Variants in TUBGCP4 observed in about 807,000 individuals in gnomAD.
TUBGCP4 encodes the protein gamma-tubulin complex component 4.
A neutral mutation model predicts 91.6 loss-of-function variants in TUBGCP4; 54 were observed. That is an observed-to-expected ratio of 0.59 (90% CI 0.47 to 0.74). The LOEUF is 0.74. Ranked by LOEUF, TUBGCP4 falls within the 30% of genes least tolerant of loss-of-function variation. TUBGCP4 has a pLI of 0.00. For missense variants in TUBGCP4, 593 were observed against 800.9 expected, an observed-to-expected ratio of 0.74 and a Z score of 3.13; for synonymous variants, 297 against 302.8, an observed-to-expected ratio of 0.98 and a Z score of 0.20.
At position 43,376,516 on chromosome 15, in the gene TUBGCP4, C is replaced by G; in HGVS notation, c.221C>G (p.Ser74Cys). 1 of 1,614,244 alleles carries G rather than the reference C, an allele frequency of 6.2e-7. No individual in the cohort carries two copies. The highest frequency in any genetic ancestry group is 8.5e-7 in the Non-Finnish European group (1 of 1,180,044). The change falls in exon 3 of 18, where the codon TCT becomes TGT. Residue 74 changes from serine to cysteine, a missense_variant. Physicochemically the swap from Ser to Cys is moderately radical, Grantham distance 112. Coordinates refer to ENST00000564079, the MANE Select transcript of TUBGCP4 (RefSeq NM_014444.5). ...GTTTGATTTCAGGATCACCATCCAT[C>G]TCAACAGGGCCAAGGTGGGTTACAT... is the stretch of plus-strand genomic sequence containing the variant. ...GHVQQQDHHP[S>C]QQGQGGLHGI...
At chr15:43,385,061 G>A (rs2044334347) in intron 7 of TUBGCP4, among the ~76,000 whole-genome samples, 1 of 152,176 alleles carries the variant, frequency 6.6e-6, no homozygotes, top group Non-Finnish European at 1.5e-5. Flanking sequence ...AGTGACGATA[G>A]GGGTGTATAC....
At chr15:43,394,812 T>G in intron 9 of TUBGCP4, 1 of 414,556 alleles carries the variant, frequency 2.4e-6, no homozygotes. Context: ...CCTTCTGCCA[T>G]GATTGTAAGT....
chr15:43,385,887 G>GA lies in TUBGCP4; in HGVS notation c.826dup (p.Ile276AsnfsTer12). 1 of 1,614,026 alleles carries GA rather than the reference G, an allele frequency of 6.2e-7. No homozygotes were observed. The highest frequency in any genetic ancestry group is 1.3e-5 in the African/African-American group (1 of 74,988). On this transcript the variant is annotated frameshift_variant, in exon 8 of 18. Coordinates refer to ENST00000564079, the MANE Select transcript of TUBGCP4 (RefSeq NM_014444.5). LOFTEE classifies it high-confidence loss of function. Reference sequence around the variant, plus strand: ...ATCCTACATTCCAGTGAGGGTTGCTGAAAAAATCCTATTTGTTGGAGAATC... The same window carrying GA: ...ATCCTACATTCCAGTGAGGGTTGCTGAAAAAAATCCTATTTGTTGGAGAATC...
intron 1 of TUBGCP4, among the ~76,000 whole-genome samples, chr15:43,373,774 G>A (rs6493087): frequency 0.27 from 40,606 of 151,340 alleles, 8,768 homozygotes; most frequent in African/African-American, 0.59. Context: ...TCAGCCTCCC[G>A]AGCAGCTGGG....
intron 16 of TUBGCP4, 79 bp from the exon 17 acceptor site, chr15:43,404,334 C>T: frequency 6.4e-7 from 1 of 1,550,670 alleles, no homozygotes. Flanking sequence ...TTCCAAGAAA[C>T]TCCTCCCTCC....
chr15:43,382,283 A>G (rs539780353), intron 6 of TUBGCP4, among the ~76,000 whole-genome samples: 2 of 152,312 alleles, frequency 1.3e-5, no homozygotes, highest in South Asian at 4.1e-4. Flanking sequence ...TCAATTCCAT[A>G]TTACACCCAA....
intron 6 of TUBGCP4, among the ~76,000 whole-genome samples, chr15:43,380,959 CT>C (rs921808224): frequency 6.6e-6 from 1 of 151,938 alleles, no homozygotes; most frequent in Non-Finnish European, 1.5e-5. Flanking sequence ...CTGTTTTGTT[CT>C]TTTTTTCTTA....
In TUBGCP4 at chr15:43,406,574, A is replaced by C. The variant is rs1566908623; in HGVS notation, c.*1360A>C. On this transcript the variant is annotated 3_prime_UTR_variant, in exon 18 of 18. Coordinates refer to ENST00000564079, the MANE Select transcript of TUBGCP4 (RefSeq NM_014444.5). The stretch of plus-strand genomic sequence containing the variant: ...TGGATCAAATGGCCCACAAAGCCTG[A>C]AATATTTACTCTTTGACCCTTTACA... The C allele has an allele frequency of 2.2e-6, 1 of 455,972 alleles. No individual in the cohort carries two copies. 28.2% of individuals were successfully genotyped at this position (455,972 alleles called of 1,614,324 possible).
rs143931536 is a variant in TUBGCP4, at chr15:43,374,775, G to T, written c.79-1323G>T. On this transcript the variant is annotated intron_variant, in intron 1 of 17. Coordinates refer to ENST00000564079, the MANE Select transcript of TUBGCP4 (RefSeq NM_014444.5). ...AGGTGGAAGCAAGTGTCAGTGCAGGGACGAATAGGTAATTGAGATGTGGTA... is the reference window on the plus strand; with the variant it reads ...AGGTGGAAGCAAGTGTCAGTGCAGGTACGAATAGGTAATTGAGATGTGGTA... Among the ~76,000 whole-genome samples, 132 of 152,308 alleles carry T rather than the reference G, an allele frequency of 8.7e-4. 1 individual carries two copies. The East Asian group carries it at 0.023, about 27-fold the overall frequency.
intron 9 of TUBGCP4, among the ~76,000 whole-genome samples, chr15:43,387,838 G>T (rs2044402310): frequency 6.6e-6 from 1 of 151,770 alleles, no homozygotes; most frequent in African/African-American, 2.4e-5. Context: ...GTCAGGAGAG[G>T]GTAGGTACCT....
chr15:43,407,567 A>ATATC lies in TUBGCP4; in HGVS notation c.*2355_*2358dup. On this transcript the variant is annotated 3_prime_UTR_variant, in exon 18 of 18. Coordinates refer to ENST00000564079, the MANE Select transcript of TUBGCP4 (RefSeq NM_014444.5). ...CACCACATCAAATACCCCTAAAGCA[A>ATATC]TATCTGCAAGGAGCAAGGGAAAGTG... 6.2e-7 allele frequency: 1 copy of ATATC among 1,610,218 alleles called. No homozygotes were observed. The highest frequency in any genetic ancestry group is 8.5e-7 in the Non-Finnish European group (1 of 1,177,412).
chr15:43,409,764 G>A lies in TUBGCP4; in HGVS notation c.*4550G>A. The A allele has an allele frequency of 2.5e-6, 3 of 1,221,658 alleles. No individual in the cohort carries two copies. The highest frequency in any genetic ancestry group is 2.3e-6 in the Non-Finnish European group (2 of 872,594). 75.7% of individuals were successfully genotyped at this position (1,221,658 alleles called of 1,614,324 possible). On this transcript the variant is annotated 3_prime_UTR_variant, in exon 18 of 18. Transcript: ENST00000564079. The stretch of plus-strand genomic sequence containing the variant: ...ATTCTATATTAAAAAAAAAAACCAA[G>A]ATAATAATTACTGAGTGGTTTTCTT...
rs116983139 is a variant in TUBGCP4 at position 43,408,952 on chromosome 15, G to A, written c.*3738G>A. 11 of 1,614,130 alleles carry A rather than the reference G, an allele frequency of 6.8e-6. No individual in the cohort carries two copies. Among genetic ancestry groups the A allele is most frequent in the East Asian group, 4.5e-5 (2 of 44,886 alleles). On this transcript the variant is annotated 3_prime_UTR_variant, in exon 18 of 18. Transcript: ENST00000564079. Reference sequence around the variant, plus strand: ...TACCCAGCTGGCAACAGATAATTACGGTAGTTCTGGAGCTGGTTGGCATGG... The same window carrying A: ...TACCCAGCTGGCAACAGATAATTACAGTAGTTCTGGAGCTGGTTGGCATGG...
At chr15:43,385,686 T>C (rs181386313) in intron 7 of TUBGCP4, 105 bp from the exon 8 acceptor site, 3 of 1,222,826 alleles carry the variant, frequency 2.5e-6, no homozygotes, top group African/African-American at 3.0e-5. Flanking sequence ...TTGAAGTCCC[T>C]GCGTCTTTAT....
At chr15:43,371,759 G>A (rs529986558) in intron 1 of TUBGCP4, among the ~76,000 whole-genome samples, 2 of 152,290 alleles carry the variant, frequency 1.3e-5, no homozygotes, top group Admixed American at 6.5e-5. Context: ...ATTTTCACAC[G>A]TGCATTGTTT....
intron 9 of TUBGCP4, among the ~76,000 whole-genome samples, chr15:43,393,654 T>A (rs771277730): frequency 9.9e-5 from 15 of 151,968 alleles, no homozygotes; most frequent in African/African-American, 2.9e-4. Context: ...TGTCCGTGTG[T>A]TCTCATTGTT....
Position 43,374,004 on chromosome 15 carries a change from G to C in TUBGCP4, c.79-2094G>C, listed in dbSNP as rs552476579. 2.4e-4 allele frequency among the ~76,000 whole-genome samples: 37 copies of C among 152,302 alleles called. No homozygotes were observed. In the South Asian group the frequency reaches 7.5e-3, roughly 31 times the overall value. On this transcript the variant is annotated intron_variant, in intron 1 of 17. Coordinates refer to ENST00000564079, the MANE Select transcript of TUBGCP4 (RefSeq NM_014444.5). Reference sequence around the variant, plus strand: ...GTGCAACCTCTTAAGTTACTAACTTGAAGATGTGATTAGCATTGTGTCATT... The same window carrying C: ...GTGCAACCTCTTAAGTTACTAACTTCAAGATGTGATTAGCATTGTGTCATT...
chr15:43,401,318 G>T (rs1216527805), intron 14 of TUBGCP4, among the ~76,000 whole-genome samples: 5 of 152,104 alleles, frequency 3.3e-5, no homozygotes, highest in African/African-American at 1.2e-4. Context: ...ATGCGTGGTA[G>T]CGGGCACCTG....
Position 43,378,308 on chromosome 15 carries a change from TGAAAG to T in TUBGCP4, c.441+406_441+410del, listed in dbSNP as rs777725508. 3.9e-4 allele frequency among the ~76,000 whole-genome samples: 59 copies of T among 152,314 alleles called. 1 individual carries two copies. The highest frequency in any genetic ancestry group is 2.6e-3 in the Admixed American group (40 of 15,302). ...TTCTGAGAATTTTGAGATCAGTGAGTGAAAGCCAGATGTTTAATAAATATGCCTAT... is the reference window on the plus strand; with the variant it reads ...TTCTGAGAATTTTGAGATCAGTGAGTCCAGATGTTTAATAAATATGCCTAT... On this transcript the variant is annotated intron_variant, in intron 5 of 17. Coordinates refer to ENST00000564079, the MANE Select transcript of TUBGCP4 (RefSeq NM_014444.5).
Sources: gnomAD v4.1 joint callset for allele counts (sites outside exome capture counted in the v4.1 genomes callset) on GRCh38, gnomAD v4.1.1 for gene constraint, MANE v1.5 for transcripts, NCBI Gene and HGNC (gene_info 2026-07-23, HGNC 2026-07-21) for gene names.